CRB1: variants seen among roughly 807,000 people sequenced by gnomAD.
CRB1 encodes the protein crumbs cell polarity complex component 1.
CRB1 carries 83 observed loss-of-function variants against 120.0 expected under a neutral mutation model. The observed-to-expected ratio is 0.69, with a 90% CI of 0.58 to 0.83. The LOEUF (loss-of-function observed/expected upper bound fraction) is 0.83, where lower values mean the gene tolerates loss of function less well. CRB1 is among the 40% of genes least tolerant of loss of function. CRB1 has a pLI of 0.00. For synonymous variants in CRB1, 625 were observed against 612.5 expected (o/e 1.02, Z -0.30); for missense variants, 1,699 against 1,687.6 (o/e 1.01, Z -0.12).
At position 197,453,524 on chromosome 1, in the gene CRB1, GTA is replaced by G. The variant is rs1195905915; in HGVS notation, c.4005+11247_4005+11248del. ...TATGTGTATATATATGTGTGTGTGT[GTA>G]TATATATATATATAGAGAGAGAGAC... is the stretch of plus-strand genomic sequence containing the variant. On this transcript the variant is annotated intron_variant, in intron 11 of 11. Transcript: ENST00000367400. Among the ~76,000 whole-genome samples, 832 of 123,762 alleles carry G rather than the reference GTA, an allele frequency of 6.7e-3. 2 individuals carry two copies. The highest frequency in any genetic ancestry group is 9.5e-3 in the African/African-American group (324 of 33,994). 81.2% of individuals were successfully genotyped at this position (123,762 alleles called of 152,430 possible). A position where few individuals can be genotyped will look rare whatever the true frequency, so the allele number is the denominator to read the frequency against.
chr1:197,222,768 CT>C, the CRB1 span: 4 of 1,120,350 alleles, frequency 3.6e-6, no homozygotes, highest in South Asian at 4.9e-5. Flanking sequence ...TCTTTCTGAA[CT>C]CCAAGTGCTA....
At chr1:197,345,015 A>G (rs1347778925) in intron 3 of CRB1, among the ~76,000 whole-genome samples, 3 of 152,338 alleles carry the variant, frequency 2.0e-5, no homozygotes, top group Admixed American at 6.5e-5. Flanking sequence ...ATTGAAGTCT[A>G]TCATTGGCTT....
chr1:197,410,419 T>A (rs943712075), intron 5 of CRB1, among the ~76,000 whole-genome samples: 6 of 152,164 alleles, frequency 3.9e-5, no homozygotes, highest in Non-Finnish European at 8.8e-5. Flanking sequence ...TTAATGGTAA[T>A]CAATACGGAG....
chr1:197,477,564 C>T lies in CRB1; in HGVS notation c.4006-100C>T, dbSNP rs531768557. On this transcript the variant is annotated intron_variant, in intron 11 of 11. Transcript: ENST00000367400. ...TTTTTACAGTACTGAGTGGTACCAG[C>T]TTGCTCTGGTTGGTCTTCATTCCTG... 3.9e-4 allele frequency: 400 copies of T among 1,031,198 alleles called. 2 individuals are homozygous for T. In the South Asian group the frequency reaches 5.2e-3, roughly 13 times the overall value. 63.9% of individuals were successfully genotyped at this position (1,031,198 alleles called of 1,614,324 possible).
At chr1:197,222,463 A>G in the CRB1 span, 5 of 768,890 alleles carry the variant, frequency 6.5e-6, no homozygotes, top group Non-Finnish European at 1.2e-5. Context: ...GGAGTGGACA[A>G]ACTGGCTCTA....
chr1:197,221,160 G>T, the CRB1 span, among the ~76,000 whole-genome samples: 4 of 152,140 alleles, frequency 2.6e-5, no homozygotes, highest in Non-Finnish European at 5.9e-5. Flanking sequence ...ATTTTTAGAG[G>T]CCATGTTGGG....
At chr1:197,416,353 C>CT (rs1663999868) in intron 5 of CRB1, among the ~76,000 whole-genome samples, 2 of 152,276 alleles carry the variant, frequency 1.3e-5, no homozygotes, top group East Asian at 3.9e-4. Context: ...TAAATATGCT[C>CT]TAATGTTGCC....
chr1:197,376,874 T>C (rs886177650), intron 5 of CRB1, among the ~76,000 whole-genome samples: 1 of 152,196 alleles, frequency 6.6e-6, no homozygotes, highest in Admixed American at 6.5e-5. Flanking sequence ...CTGTCCTTGG[T>C]TATCCTCTCC....
intron 1 of CRB1, among the ~76,000 whole-genome samples, chr1:197,273,648 A>G (rs550685577): frequency 6.6e-6 from 1 of 152,180 alleles, no homozygotes; most frequent in African/African-American, 2.4e-5. Context: ...CATTTATTTT[A>G]TACTCTGGGT....
chr1:197,373,285 A>G (rs948642222), intron 5 of CRB1, among the ~76,000 whole-genome samples: 2 of 152,156 alleles, frequency 1.3e-5, no homozygotes, highest in Non-Finnish European at 2.9e-5. Flanking sequence ...TAGTTGGTGA[A>G]TAGTATATTC....
At chr1:197,283,433 A>G (rs538033750) in intron 1 of CRB1, among the ~76,000 whole-genome samples, 1 of 151,680 alleles carries the variant, frequency 6.6e-6, no homozygotes, top group Non-Finnish European at 1.5e-5. Context: ...CCGTTGTATC[A>G]TTCTTATGCC....
intron 4 of CRB1, among the ~76,000 whole-genome samples, chr1:197,351,382 A>AAAAG (rs1660094852): frequency 1.4e-5 from 2 of 138,904 alleles, no homozygotes; most frequent in Non-Finnish European, 3.1e-5. Context: ...AAAAAAAAAA[A>AAAAG]AAAAGGAGAA....
At chr1:197,210,090 C>T in the CRB1 span, among the ~76,000 whole-genome samples, 1 of 152,328 alleles carries the variant, frequency 6.6e-6, no homozygotes, top group African/African-American at 2.4e-5. Flanking sequence ...GTTAGTCCTG[C>T]CCCCTATTCA....
At chr1:197,210,592 A>G in the CRB1 span, among the ~76,000 whole-genome samples, 2 of 151,998 alleles carry the variant, frequency 1.3e-5, no homozygotes, top group African/African-American at 2.4e-5. Flanking sequence ...AGTCAGTCAA[A>G]CAATCAGTCT....
At chr1:197,369,069 C>T (rs1382223992) in intron 5 of CRB1, among the ~76,000 whole-genome samples, 3 of 152,244 alleles carry the variant, frequency 2.0e-5, no homozygotes, top group Admixed American at 2.0e-4. Flanking sequence ...GTTGTCCTCA[C>T]AGTAGACCAT....
At chr1:197,257,876 T>C in the CRB1 span, among the ~76,000 whole-genome samples, 2 of 152,186 alleles carry the variant, frequency 1.3e-5, no homozygotes, top group African/African-American at 4.8e-5. Flanking sequence ...TCTGCTGCTG[T>C]ACTAGCACTC....
intron 5 of CRB1, among the ~76,000 whole-genome samples, chr1:197,364,932 GT>G (rs984043286): frequency 1.3e-5 from 2 of 152,022 alleles, no homozygotes; most frequent in African/African-American, 4.8e-5. Flanking sequence ...ACTGATCCTT[GT>G]GATGACATGA....
chr1:197,224,431 CACA>C, the CRB1 span, among the ~76,000 whole-genome samples: 3 of 152,030 alleles, frequency 2.0e-5, no homozygotes, highest in African/African-American at 7.2e-5. Flanking sequence ...TCAAAATAGT[CACA>C]GTTCCTTTAA....
At chr1:197,364,034 ACTT>A (rs1660929900) in intron 5 of CRB1, 2 of 1,379,354 alleles carry the variant, frequency 1.4e-6, no homozygotes, top group Admixed American at 1.7e-5. Context: ...CACAAGATCA[ACTT>A]CTTGATGCGA....
Sources: gnomAD v4.1 joint callset for allele counts (sites outside exome capture counted in the v4.1 genomes callset) on GRCh38, gnomAD v4.1.1 for gene constraint, MANE v1.5 for transcripts, NCBI Gene and HGNC (gene_info 2026-07-23, HGNC 2026-07-21) for gene names.